The following DAB1 variants were observed in gnomAD, a reference collection of about 807,000 sequenced individuals.
The protein encoded by DAB1 is disabled homolog 1.
In DAB1, 15 loss-of-function variants were observed where a neutral mutation model predicts 64.6. The ratio of observed to expected loss-of-function variants is 0.23; its 90% CI spans 0.16 to 0.36. DAB1 has a LOEUF of 0.36. Among genes scored for constraint, DAB1 ranks in the 10% least tolerant of loss-of-function variants. The pLI is 1.00. For missense variants in DAB1, 596 were observed against 706.7 expected (o/e 0.84, Z 1.78); for synonymous variants, 235 against 251.9 (o/e 0.93, Z 0.64).
chr1:57,078,627 G>A (rs1652204831), intron 4 of DAB1, among the ~76,000 whole-genome samples: 1 of 152,130 alleles, frequency 6.6e-6, no homozygotes. Context: ...CTCTCATGGT[G>A]TTGTTATGAG....
intron 6 of DAB1, among the ~76,000 whole-genome samples, chr1:57,744,438 CAAA>C (rs61701604): frequency 3.4e-5 from 4 of 118,188 alleles, no homozygotes; most frequent in Admixed American, 8.9e-5. Flanking sequence ...AACTCTGTCT[CAAA>C]AAAAAAAAAA....
intron 1 of DAB1, among the ~76,000 whole-genome samples, chr1:57,417,828 C>T (rs1287131710): frequency 6.6e-6 from 1 of 152,156 alleles, no homozygotes; most frequent in Non-Finnish European, 1.5e-5. Context: ...TTATGCCCAT[C>T]CCTAAGTCAA....
chr1:57,514,111 T>C (rs1644436817), intron 7 of DAB1, among the ~76,000 whole-genome samples: 1 of 152,348 alleles, frequency 6.6e-6, no homozygotes, highest in South Asian at 2.1e-4. Context: ...GTTAATTCCA[T>C]CTTTTGGCTA....
chr1:58,315,999 G>A (rs1484587830), intron 4 of DAB1, among the ~76,000 whole-genome samples: 1 of 152,126 alleles, frequency 6.6e-6, no homozygotes, highest in Non-Finnish European at 1.5e-5. Context: ...GCCAAAGTTT[G>A]GAATCAAAAA....
chr1:58,312,691 G>A (rs1662457759), intron 4 of DAB1, among the ~76,000 whole-genome samples: 1 of 152,144 alleles, frequency 6.6e-6, no homozygotes, highest in Admixed American at 6.5e-5. Context: ...TCAGTATGTG[G>A]AAATGAATAG....
At chr1:57,995,492 A>T (rs1356789026) in intron 5 of DAB1, among the ~76,000 whole-genome samples, 2 of 152,226 alleles carry the variant, frequency 1.3e-5, no homozygotes, top group Non-Finnish European at 2.9e-5. Context: ...GTGCAAATAA[A>T]AATGCATCTA....
At chr1:57,721,232 A>C (rs1245662899) in intron 6 of DAB1, among the ~76,000 whole-genome samples, 1 of 152,130 alleles carries the variant, frequency 6.6e-6, no homozygotes, top group Non-Finnish European at 1.5e-5. Flanking sequence ...GACTGATCTA[A>C]TTCCTGCCGC....
intron 5 of DAB1, among the ~76,000 whole-genome samples, chr1:58,114,133 C>A (rs570333132): frequency 1.3e-5 from 2 of 151,776 alleles, no homozygotes; most frequent in South Asian, 4.2e-4. Flanking sequence ...GTGGCACATG[C>A]CTGTAATCCC....
chr1:58,025,632 ATAT>A (rs1253524500), intron 5 of DAB1, among the ~76,000 whole-genome samples: 4 of 125,984 alleles, frequency 3.2e-5, no homozygotes, highest in South Asian at 2.5e-4. Flanking sequence ...TATAAATATA[ATAT>A]TATATATATA....
chr1:57,456,004 T>C (rs1686577885), intron 7 of DAB1, among the ~76,000 whole-genome samples: 1 of 152,160 alleles, frequency 6.6e-6, no homozygotes, highest in South Asian at 2.1e-4. Context: ...TCTACTGTGG[T>C]TAAGGCACTG....
At position 58,316,998 on chromosome 1, in the gene DAB1, T is replaced by G. The variant is rs150869525; in HGVS notation, n.309+26354A>C. 1.2e-4 allele frequency among the ~76,000 whole-genome samples: 18 copies of G among 152,360 alleles called. No individual in the cohort carries two copies. The East Asian group carries it at 3.5e-3, about 29-fold the overall frequency. On this transcript the variant is annotated intron_variant and non_coding_transcript_variant, in intron 4 of 20. Transcript: ENST00000485760. ...CTAACTTAATCATTACAATGATCCA[T>G]AACCAATCAGTTCATTCATTAAGAA... is the stretch of plus-strand genomic sequence containing the variant.
At chr1:57,674,605 C>G (rs3131750) in intron 6 of DAB1, among the ~76,000 whole-genome samples, 112,004 of 152,056 alleles carry the variant, frequency 0.74, 42,164 homozygotes, top group East Asian at 0.93. Context: ...GGCTATCAGT[C>G]TTGCCTGGTC....
At chr1:57,272,115 G>A (rs766033519) in intron 2 of DAB1, among the ~76,000 whole-genome samples, 83 of 152,170 alleles carry the variant, frequency 5.5e-4, no homozygotes, top group Non-Finnish European at 9.1e-4. Context: ...TGATTTTCTA[G>A]TGCGGGGCTC....
At chr1:57,665,736 G>A (rs533497942) in intron 6 of DAB1, among the ~76,000 whole-genome samples, 1 of 151,884 alleles carries the variant, frequency 6.6e-6, no homozygotes, top group East Asian at 1.9e-4. Context: ...ATGAATATGT[G>A]TGTACACTCA....
At chr1:57,086,935 T>G (rs1464410657) in intron 4 of DAB1, among the ~76,000 whole-genome samples, 2 of 152,162 alleles carry the variant, frequency 1.3e-5, no homozygotes, top group African/African-American at 4.8e-5. Context: ...ATTATTACCT[T>G]GGGGAAGTCA....
chr1:57,179,170 G>C (rs197652), intron 2 of DAB1, among the ~76,000 whole-genome samples: 149,764 of 152,162 alleles, frequency 0.98, 73,714 homozygotes, highest in East Asian at 1. Flanking sequence ...GGGTTTGGGG[G>C]GGATTAGGAA....
intron 12 of DAB1, among the ~76,000 whole-genome samples, chr1:57,012,821 T>C (rs1435740072): frequency 1.3e-5 from 2 of 152,276 alleles, no homozygotes; most frequent in Admixed American, 1.3e-4. Flanking sequence ...TACTAAAGGT[T>C]GAGAACACAA....
chr1:57,556,113 C>A lies in DAB1; in HGVS notation n.625+93479G>T, dbSNP rs368820720. 9.2e-5 allele frequency among the ~76,000 whole-genome samples: 14 copies of A among 152,206 alleles called. No individual in the cohort carries two copies. The South Asian group carries it at 1.7e-3, about 18-fold the overall frequency. On this transcript the variant is annotated intron_variant and non_coding_transcript_variant, in intron 7 of 20. Coordinates refer to the DAB1 transcript ENST00000485760. ...CAAGGAGCAAGATGATTATTTCATT[C>A]CTTTTTATGACTGAGTAGCATTCTA...
chr1:58,399,199 A>C (rs940253976), intron 3 of DAB1, among the ~76,000 whole-genome samples: 4 of 152,352 alleles, frequency 2.6e-5, no homozygotes, highest in Non-Finnish European at 5.9e-5. Flanking sequence ...ACATCTGTAT[A>C]GTGCTTTGAA....
Sources: allele counts gnomAD v4.1 joint callset (sites outside exome capture counted in the v4.1 genomes callset), GRCh38; gene constraint gnomAD v4.1.1; transcripts MANE v1.5; gene names NCBI Gene and HGNC (gene_info 2026-07-23, HGNC 2026-07-21).